Variants in SRGAP3 observed in about 807,000 individuals in gnomAD.
The protein encoded by SRGAP3 is SLIT-ROBO Rho GTPase-activating protein 3.
Under a neutral mutation model 121.1 loss-of-function variants are expected in SRGAP3, and 39 were observed. That is an observed-to-expected ratio of 0.32 (90% confidence interval 0.25 to 0.42). The LOEUF is 0.42. SRGAP3 is among the 10% of genes least tolerant of loss of function. The pLI is 1.00. For synonymous variants in SRGAP3, 601 were observed against 570.0 expected (o/e 1.05, Z -0.77); for missense variants, 1,213 against 1,470.6 (o/e 0.82, Z 2.86).
chr3:9,103,827 T>C (rs1182715826), intron 3 of SRGAP3, among the ~76,000 whole-genome samples: 1 of 152,208 alleles, frequency 6.6e-6, no homozygotes, highest in African/African-American at 2.4e-5. Context: ...GCAAGGAACG[T>C]GGGATACAGA....
intron 3 of SRGAP3, chr3:9,256,757 A>G: frequency 2.5e-6 from 1 of 398,168 alleles, no homozygotes; most frequent in East Asian, 3.6e-5. Context: ...TTCTCTTTTC[A>G]GCTCCGCCTG....
chr3:8,985,740 G>A lies in SRGAP3; in HGVS notation c.3079C>T (p.Arg1027Cys), dbSNP rs764850232. 2 of 1,597,924 alleles carry A rather than the reference G, an allele frequency of 1.3e-6. No individual in the cohort carries two copies. The highest frequency in any genetic ancestry group is 2.2e-5 in the East Asian group (1 of 44,762). ...VIRDPDAAMRRSSSSSTEMMT... is the reference protein window; with the variant it reads ...VIRDPDAAMRCSSSSSTEMMT... ...ATCTCGGTGGAGGAGCTGCTGCTGCGGCGCATGGCGGCATCGGGGTCGCGG... is the reference window on the plus strand; with the variant it reads ...ATCTCGGTGGAGGAGCTGCTGCTGCAGCGCATGGCGGCATCGGGGTCGCGG... The change falls in exon 22 of 22, where the codon CGC becomes TGC. Residue 1027 changes from arginine to cysteine, a missense_variant. Arg to Cys is a radical substitution (Grantham distance 180). Around this residue, in one of 2 missense-constraint regions of SRGAP3, gnomAD observed 420 missense variants for 437.7 expected, o/e 0.96. Transcript: ENST00000383836. The surrounding 1 kb of genome is among the most constrained non-coding windows in gnomAD (Gnocchi z 5.1).
intron 7 of SRGAP3, among the ~76,000 whole-genome samples, chr3:9,057,069 G>T (rs1945858647): frequency 6.6e-6 from 1 of 151,492 alleles, no homozygotes; most frequent in African/African-American, 2.5e-5. Flanking sequence ...TTTGCTGTTT[G>T]TTTGTTTGTT....
chr3:8,994,106 G>A (rs574881747), intron 19 of SRGAP3: 6 of 556,506 alleles, frequency 1.1e-5, no homozygotes, highest in Non-Finnish European at 1.9e-5. Flanking sequence ...GCATCAGGAT[G>A]TAGGCCAGAG....
At chr3:9,276,335 C>G (rs1954575813) in intron 3 of SRGAP3, among the ~76,000 whole-genome samples, 1 of 152,116 alleles carries the variant, frequency 6.6e-6, no homozygotes, top group Non-Finnish European at 1.5e-5. Flanking sequence ...TCTTTAATTC[C>G]TGAGCCCACC....
intron 14 of SRGAP3, among the ~76,000 whole-genome samples, chr3:9,018,381 T>C (rs1943742897): frequency 6.6e-6 from 1 of 152,238 alleles, no homozygotes; most frequent in Non-Finnish European, 1.5e-5. Context: ...AGTAGTGGGA[T>C]TGCTGAATGG....
At position 9,064,055 on chromosome 3, in the gene SRGAP3, G is replaced by A. The variant is rs553724047; in HGVS notation, c.672+341C>T. ...GCCTCTGGAACAAGCCCCTGCTCCC[G>A]CTAATGCCTTGTGATTCCAGCTCAT... On this transcript the variant is annotated intron_variant, in intron 5 of 21. Transcript: ENST00000383836. Among the ~76,000 whole-genome samples, 9 of 152,136 alleles carry A rather than the reference G, an allele frequency of 5.9e-5. No homozygotes were observed. The South Asian group carries it at 1.2e-3, about 21-fold the overall frequency.
chr3:9,100,864 TGAA>T (rs1948190650), intron 3 of SRGAP3, among the ~76,000 whole-genome samples: 1 of 152,182 alleles, frequency 6.6e-6, no homozygotes, highest in African/African-American at 2.4e-5. Context: ...AGAGAAGACC[TGAA>T]GCATGACCCA....
Position 8,984,157 on chromosome 3 carries a change from T to C in SRGAP3, c.*1362A>G, listed in dbSNP as rs75300709. The stretch of plus-strand genomic sequence containing the variant: ...ACCCATTTCTATCACCACATTTTCA[T>C]CTACACTAAATGTTCTGGAGGGAGT... On this transcript the variant is annotated 3_prime_UTR_variant, in exon 22 of 22. Coordinates refer to ENST00000383836, the MANE Select transcript of SRGAP3 (RefSeq NM_014850.4). 0.01 allele frequency: 2,363 copies of C among 231,264 alleles called. 48 individuals are homozygous for C. The highest frequency in any genetic ancestry group is 0.049 in the African/African-American group (2,203 of 45,310). The allele number at this position is 231,264 out of a possible 1,614,324, so 14.3% of individuals were successfully genotyped here. A position where few individuals can be genotyped will look rare whatever the true frequency, so the allele number is the denominator to read the frequency against.
chr3:9,034,851 T>C (rs553115237), intron 11 of SRGAP3: 1 of 152,326 alleles, frequency 6.6e-6, no homozygotes, highest in Non-Finnish European at 1.5e-5. Context: ...GGTTTTAAGT[T>C]TGGGGATTAG....
intron 3 of SRGAP3, among the ~76,000 whole-genome samples, chr3:9,309,151 T>A (rs1187063662): frequency 2.6e-5 from 4 of 152,158 alleles, no homozygotes; most frequent in Non-Finnish European, 5.9e-5. Context: ...AACTGAATGA[T>A]GAGAAACCAT....
chr3:9,302,844 G>C (rs1336845130), intron 3 of SRGAP3, among the ~76,000 whole-genome samples: 1 of 152,124 alleles, frequency 6.6e-6, no homozygotes, highest in Non-Finnish European at 1.5e-5. Context: ...TCTGCAATCC[G>C]AGCAAGGGGC....
chr3:9,229,431 C>T (rs898307064), intron 1 of SRGAP3, among the ~76,000 whole-genome samples: 3 of 152,182 alleles, frequency 2.0e-5, no homozygotes, highest in Non-Finnish European at 4.4e-5. Context: ...AGCAATAGAG[C>T]TGAGATTCAG....
At chr3:9,053,596 GACA>G (rs1460689112) in intron 8 of SRGAP3, among the ~76,000 whole-genome samples, 1 of 152,206 alleles carries the variant, frequency 6.6e-6, no homozygotes, top group Non-Finnish European at 1.5e-5. Flanking sequence ...GTTGAGTAGG[GACA>G]ACATTAGATG....
intron 1 of SRGAP3, among the ~76,000 whole-genome samples, chr3:9,332,265 G>A (rs1955621432): frequency 6.6e-6 from 1 of 152,146 alleles, no homozygotes; most frequent in Admixed American, 6.5e-5. Flanking sequence ...GATTACAGGT[G>A]TGCACCACCA....
chr3:9,303,537 C>G (rs73811464), intron 3 of SRGAP3, among the ~76,000 whole-genome samples: 9 of 152,068 alleles, frequency 5.9e-5, no homozygotes, highest in African/African-American at 2.2e-4. Flanking sequence ...ATCTCTAAAA[C>G]TTAATCATCT....
rs1953050537 is a variant in SRGAP3, at chr3:9,227,955, T to C, written c.67+20930A>G. 2.0e-5 allele frequency among the ~76,000 whole-genome samples: 3 copies of C among 152,192 alleles called. No individual in the cohort carries two copies. In the South Asian group the frequency reaches 6.2e-4, roughly 32 times the overall value. On this transcript the variant is annotated intron_variant, in intron 1 of 21. Coordinates refer to ENST00000383836, the MANE Select transcript of SRGAP3 (RefSeq NM_014850.4). Reference sequence around the variant, plus strand: ...TCCATGGTGAAGTTTGAAAGGATGATGGTAAGTCGGAGGCAGTTTTCCATC... The same window carrying C: ...TCCATGGTGAAGTTTGAAAGGATGACGGTAAGTCGGAGGCAGTTTTCCATC...
At chr3:9,219,520 C>T (rs2125195467) in intron 1 of SRGAP3, 1 of 152,254 alleles carries the variant, frequency 6.6e-6, no homozygotes, top group Non-Finnish European at 1.5e-5. Flanking sequence ...TCAAGAATTC[C>T]TATCTACAGA....
intron 2 of SRGAP3, among the ~76,000 whole-genome samples, chr3:9,122,708 C>CAA (rs1243147025): frequency 9.7e-4 from 64 of 66,174 alleles, no homozygotes; most frequent in African/African-American, 2.7e-3. Context: ...GACTCCGTCT[C>CAA]AAAAAAAAAA....
Sources: allele counts gnomAD v4.1 joint callset (sites outside exome capture counted in the v4.1 genomes callset), GRCh38; gene constraint gnomAD v4.1.1; regional missense constraint gnomAD v4.1.1; non-coding constraint Gnocchi (gnomAD v3.1); transcripts MANE v1.5; gene names NCBI Gene and HGNC (gene_info 2026-07-23, HGNC 2026-07-21).